The following EIF4E3 variants were observed in gnomAD, a reference collection of about 807,000 sequenced individuals.
The protein encoded by EIF4E3 is eukaryotic translation initiation factor 4E type 3.
Under a neutral mutation model 31.7 loss-of-function variants are expected in EIF4E3, and 26 were observed. The ratio of observed to expected loss-of-function variants is 0.82; its 90% confidence interval spans 0.60 to 1.14. The LOEUF (loss-of-function observed/expected upper bound fraction) is 1.14. Ranked by LOEUF, EIF4E3 falls within the 50% of genes most tolerant of loss-of-function variation. The probability of loss-of-function intolerance (pLI) is 0.00; values close to 1 mark genes in which losing one functional copy is unlikely to be tolerated. For missense variants in EIF4E3, 304 were observed against 270.9 expected (o/e 1.12, Z -0.86); for synonymous variants, 128 against 107.7 (o/e 1.19, Z -1.17).
rs144869996 is a variant in EIF4E3 at position 71,680,082 on chromosome 3, A to C, written c.*4600T>G. ...CCATGACTGCTGTGGTCCCAGCCAT[A>C]AAGTTCTTATTCACGAGCATCATCT... On this transcript the variant is annotated 3_prime_UTR_variant, in exon 7 of 7. Coordinates refer to ENST00000425534, the MANE Select transcript of EIF4E3 (RefSeq NM_001134651.2). 6.6e-6 allele frequency: 1 copy of C among 152,196 alleles called. No homozygotes were observed. The highest frequency in any genetic ancestry group is 1.5e-5 in the Non-Finnish European group (1 of 68,038). The allele number at this position is 152,196 out of a possible 1,614,324, so 9.4% of individuals were successfully genotyped here.
At chr3:71,754,101 C>G, upstream of EIF4E3, 1 of 1,388,968 alleles carries the variant, frequency 7.2e-7, no homozygotes, top group Non-Finnish European at 9.4e-7. This position sits in a 1 kb window ranked among gnomAD's most constrained non-coding sequence, Gnocchi z 5.8. Flanking sequence ...GGCGGCCGCC[C>G]TGGGCCTCAA....
intron 2 of EIF4E3, among the ~76,000 whole-genome samples, chr3:71,709,572 TG>T (rs1342616044): frequency 6.6e-6 from 1 of 151,868 alleles, no homozygotes; most frequent in African/African-American, 2.4e-5. Flanking sequence ...TTTGTAGAGA[TG>T]GGGGTCTATG....
chr3:71,665,817 A>G, the EIF4E3 span, among the ~76,000 whole-genome samples: 1 of 152,228 alleles, frequency 6.6e-6, no homozygotes, highest in African/African-American at 2.4e-5. Flanking sequence ...ACACAACTAC[A>G]TGGAAACGGA....
chr3:71,670,983 C>T (rs1289590054), downstream of EIF4E3, among the ~76,000 whole-genome samples: 1 of 151,734 alleles, frequency 6.6e-6, no homozygotes, highest in Admixed American at 6.6e-5. Context: ...CCCCCAAGCG[C>T]GGAGAATGGG....
upstream of EIF4E3, among the ~76,000 whole-genome samples, chr3:71,727,844 T>G (rs370938449): frequency 1.3e-5 from 2 of 152,126 alleles, no homozygotes; most frequent in Admixed American, 1.3e-4. Flanking sequence ...AACAATATCC[T>G]CAGCAAAAAA....
At chr3:71,686,249 C>T (rs1213788285) in intron 6 of EIF4E3, among the ~76,000 whole-genome samples, 1 of 152,168 alleles carries the variant, frequency 6.6e-6, no homozygotes, top group Non-Finnish European at 1.5e-5. Context: ...CTCAGACTCC[C>T]AAAGTGCTGG....
chr3:71,705,319 T>G lies in EIF4E3; in HGVS notation c.249+5093A>C, dbSNP rs115176229. ...AAGCAATCTGCTGCCCTAACTTAAC[T>G]GCACAACTCCAGTCAGGCGGCTTGA... On this transcript the variant is annotated intron_variant, in intron 2 of 6. Coordinates refer to ENST00000425534, the MANE Select transcript of EIF4E3 (RefSeq NM_001134651.2). Among the ~76,000 whole-genome samples, 1,335 of 152,320 alleles carry G rather than the reference T, an allele frequency of 8.8e-3. 8 individuals carry two copies. The highest frequency in any genetic ancestry group is 0.013 in the Non-Finnish European group (856 of 68,030).
rs531146163 is a variant in EIF4E3 at position 71,704,859 on chromosome 3, C to T, written c.250-5151G>A. ...AGTCTCACCCCACCCAATACACAGA[C>T]ACAACAGCCTCCACTGAGAATGTGG... is the stretch of plus-strand genomic sequence containing the variant. On this transcript the variant is annotated intron_variant, in intron 2 of 6. Transcript: ENST00000425534. 2.6e-5 allele frequency among the ~76,000 whole-genome samples: 4 copies of T among 152,324 alleles called. No individual in the cohort carries two copies. The South Asian group carries it at 8.3e-4, about 32-fold the overall frequency.
chr3:71,692,736 G>A (rs929813280), intron 5 of EIF4E3, among the ~76,000 whole-genome samples: 2 of 152,042 alleles, frequency 1.3e-5, no homozygotes, highest in Admixed American at 6.6e-5. Flanking sequence ...TGGGGCTATG[G>A]GTGTATGTCA....
chr3:71,750,782 G>A (rs938519678), intron 1 of EIF4E3, among the ~76,000 whole-genome samples: 1 of 102,000 alleles, frequency 9.8e-6, no homozygotes, highest in African/African-American at 3.5e-5. Flanking sequence ...TTTTTTTTTT[G>A]AGACGGAGTC....
intron 1 of EIF4E3, among the ~76,000 whole-genome samples, chr3:71,723,540 TTG>T (rs2049582829): frequency 1.3e-5 from 2 of 152,360 alleles, no homozygotes; most frequent in African/African-American, 4.8e-5. Flanking sequence ...TCTTAAAAGA[TTG>T]TGTTATCTGT....
chr3:71,685,359 A>AAT (rs1215535706), intron 6 of EIF4E3, among the ~76,000 whole-genome samples: 2 of 152,186 alleles, frequency 1.3e-5, no homozygotes, highest in Middle Eastern at 3.4e-3. Context: ...GGAACTCTAG[A>AAT]ATATATATAT....
At chr3:71,754,748 C>A (rs1559619556), upstream of EIF4E3, 2 of 1,373,334 alleles carry the variant, frequency 1.5e-6, no homozygotes, top group Non-Finnish European at 1.9e-6. The surrounding 1 kb of genome is among the most constrained non-coding windows in gnomAD (Gnocchi z 5.8). Context: ...ACGGCCCGGG[C>A]GCCACCGGCC....
At chr3:71,704,851 T>A (rs1194872579) in intron 2 of EIF4E3, among the ~76,000 whole-genome samples, 1 of 152,202 alleles carries the variant, frequency 6.6e-6, no homozygotes, top group Non-Finnish European at 1.5e-5. Flanking sequence ...CCCCACCCAA[T>A]ACACAGACAC....
upstream of EIF4E3, chr3:71,754,762 C>A: frequency 7.5e-7 from 1 of 1,331,594 alleles, no homozygotes; most frequent in East Asian, 3.5e-5. This position sits in a 1 kb window ranked among gnomAD's most constrained non-coding sequence, Gnocchi z 5.8. Flanking sequence ...ACCGGCCAGG[C>A]GGCCGCCAAC....
rs1031857269 is a variant in EIF4E3 at position 71,679,046 on chromosome 3, T to C, written c.*5636A>G. 3.9e-5 allele frequency: 6 copies of C among 152,172 alleles called. No homozygotes were observed. Among genetic ancestry groups the C allele is most frequent in the Non-Finnish European group, 7.4e-5 (5 of 68,026 alleles). 9.4% of individuals were successfully genotyped at this position (152,172 alleles called of 1,614,324 possible). A position where few individuals can be genotyped will look rare whatever the true frequency, so the allele number is the denominator to read the frequency against. On this transcript the variant is annotated 3_prime_UTR_variant, in exon 7 of 7. Coordinates refer to ENST00000425534, the MANE Select transcript of EIF4E3 (RefSeq NM_001134651.2). ...TGTAAGCCACATTATCTGATTAAAGTCTGAGAACTTTGGGGAGAATTTAAT... is the reference window on the plus strand; with the variant it reads ...TGTAAGCCACATTATCTGATTAAAGCCTGAGAACTTTGGGGAGAATTTAAT...
Position 71,725,270 on chromosome 3 carries a change from C to T in EIF4E3, c.98G>A (p.Gly33Asp). ...AAAAAPEPPL[G>D]LQQLSALQPE... ...CTGCAGCGCCGACAGCTGCTGCAGG[C>T]CGAGCGGCGGCTCGGGGGCGGCGGC... Residue 33 changes from glycine to aspartate, a missense_variant, in exon 1 of 7, where the codon GGC becomes GAC. By Grantham distance (94) the Gly-to-Asp change is moderately conservative. Transcript: ENST00000425534. This position sits in a 1 kb window ranked among gnomAD's most constrained non-coding sequence, Gnocchi z 6.1. 9.7e-7 allele frequency: 1 copy of T among 1,031,274 alleles called. No homozygotes were observed. 63.9% of individuals were successfully genotyped at this position (1,031,274 alleles called of 1,614,324 possible).
At chr3:71,696,421 A>G in intron 4 of EIF4E3, 39 bp downstream of exon 4, 1 of 1,612,280 alleles carries the variant, frequency 6.2e-7, no homozygotes, top group Non-Finnish European at 8.5e-7. Flanking sequence ...AACAACTCCA[A>G]GCCTCGCCGG....
At chr3:71,709,028 C>G (rs541857756) in intron 2 of EIF4E3, among the ~76,000 whole-genome samples, 2 of 152,098 alleles carry the variant, frequency 1.3e-5, no homozygotes, top group African/African-American at 4.8e-5. Context: ...CAATCAGATT[C>G]CTGGGACTTC....
Sources: allele counts gnomAD v4.1 joint callset (sites outside exome capture counted in the v4.1 genomes callset), GRCh38; gene constraint gnomAD v4.1.1; non-coding constraint Gnocchi (gnomAD v3.1); transcripts MANE v1.5; gene names NCBI Gene and HGNC (gene_info 2026-07-23, HGNC 2026-07-21).